CAPN8: variants seen among roughly 807,000 people sequenced by gnomAD.
CAPN8 encodes the protein calpain 8.
In CAPN8, 87 loss-of-function variants were observed where a neutral mutation model predicts 80.9. The observed-to-expected ratio is 1.07, with a 90% confidence interval of 0.90 to 1.28. The LOEUF is 1.28. Ranked by LOEUF, CAPN8 falls within the 50% of genes most tolerant of loss-of-function variation. CAPN8 has a pLI of 0.00. For missense variants in CAPN8, 757 were observed against 702.0 expected, an observed-to-expected ratio of 1.08 and a Z score of -0.89; for synonymous variants, 299 against 273.8, an observed-to-expected ratio of 1.09 and a Z score of -0.91.
intron 20 of CAPN8, 34 bp downstream of exon 20, chr1:223,543,073 TC>T: frequency 6.4e-7 from 1 of 1,550,808 alleles, no homozygotes; most frequent in Non-Finnish European, 8.7e-7. Context: ...CAGAGTACCA[TC>T]AGCCAGCAAT....
chr1:223,656,681 G>GTTTT (rs1216588980), intron 1 of CAPN8, among the ~76,000 whole-genome samples: 1 of 85,036 alleles, frequency 1.2e-5, no homozygotes, highest in African/African-American at 3.9e-5. Flanking sequence ...TTTTTGTTTT[G>GTTTT]TTTTTTTTTT....
At chr1:223,618,156 G>T (rs1047539284) in intron 9 of CAPN8, 9 of 1,428,256 alleles carry the variant, frequency 6.3e-6, no homozygotes, top group Admixed American at 6.0e-5. Flanking sequence ...AGGGAACATG[G>T]GGAGCAGGAG....
intron 2 of CAPN8, among the ~76,000 whole-genome samples, chr1:223,632,248 A>G (rs2102718219): frequency 6.6e-6 from 1 of 152,338 alleles, no homozygotes; most frequent in Admixed American, 6.5e-5. Context: ...TCAAAGGAAT[A>G]TATCCAAATG....
At chr1:223,620,551 T>C (rs1315970395) in intron 7 of CAPN8, among the ~76,000 whole-genome samples, 1 of 152,088 alleles carries the variant, frequency 6.6e-6, no homozygotes, top group African/African-American at 2.4e-5. Flanking sequence ...TAGGGCAAAT[T>C]TGACATTTCT....
At chr1:223,626,007 G>A (rs972141167) in intron 5 of CAPN8, 119 bp from the exon 6 acceptor site, 9 of 721,524 alleles carry the variant, frequency 1.2e-5, no homozygotes, top group African/African-American at 1.1e-4. Context: ...GACTAGGGGT[G>A]TAGGCATGGC....
At chr1:223,652,776 G>A (rs568120597) in intron 2 of CAPN8, among the ~76,000 whole-genome samples, 1 of 152,142 alleles carries the variant, frequency 6.6e-6, no homozygotes, top group African/African-American at 2.4e-5. Flanking sequence ...CCACTGCAGC[G>A]GCTGGGCTCC....
chr1:223,665,630 G>A lies in CAPN8; in HGVS notation c.17C>T (p.Ala6Val), dbSNP rs1658767809. ...GGCTGCCCGCTGCCTAGATACACCA[G>A]CTGCCTGGGCTGCCATGGCCGTGGG... MAAQA[A>V]GVSRQRAATQ... Residue 6 changes from alanine to valine, a missense_variant, in exon 1 of 21, where the codon GCT (alanine) becomes GTT (valine). Ala to Val is a moderately conservative substitution (Grantham distance 64). Coordinates refer to ENST00000366872, the MANE Select transcript of CAPN8 (RefSeq NM_001143962.2). 6.4e-7 allele frequency: 1 copy of A among 1,551,356 alleles called. No individual in the cohort carries two copies. Among genetic ancestry groups the A allele is most frequent in the Non-Finnish European group, 8.7e-7 (1 of 1,146,988 alleles).
rs1656852149 is a variant in CAPN8, at chr1:223,553,829, C to T, written c.1641+3G>A. 2.5e-6 allele frequency: 1 copy of T among 398,730 alleles called. No individual in the cohort carries two copies. The allele number at this position is 398,730 out of a possible 1,614,324, so 24.7% of individuals were successfully genotyped here. A position where few individuals can be genotyped will look rare whatever the true frequency, so the allele number is the denominator to read the frequency against. On this transcript the variant is annotated splice_donor_region_variant and intron_variant, in intron 14 of 20. Coordinates refer to ENST00000366872, the MANE Select transcript of CAPN8 (RefSeq NM_001143962.2). Reference sequence around the variant, plus strand: ...TGGGAAGCCATGTTCGCCCTCCACTCACCTTCCCTGCCAACTTCTCAAACA... The same window carrying T: ...TGGGAAGCCATGTTCGCCCTCCACTTACCTTCCCTGCCAACTTCTCAAACA...
intron 7 of CAPN8, among the ~76,000 whole-genome samples, 191 bp from the exon 8 acceptor site, chr1:223,620,457 G>A (rs960159390): frequency 2.0e-5 from 3 of 152,120 alleles, no homozygotes; most frequent in African/African-American, 7.2e-5. Flanking sequence ...CCCAGGACAC[G>A]GACTCCATGG....
rs1656607480 is a variant in CAPN8, at chr1:223,545,856, C to T, written c.1765-557G>A. On this transcript the variant is annotated intron_variant, in intron 16 of 20. Transcript: ENST00000366872. ...TTTTTTTTTTTTTGAGACGGAGTCT[C>T]TCTGTCGCCCAGGCTGGAGTACAGT... is the stretch of plus-strand genomic sequence containing the variant. Among the ~76,000 whole-genome samples the T allele has an allele frequency of 2.4e-5, 3 of 127,252 alleles. No individual in the cohort carries two copies. In the South Asian group the frequency reaches 7.6e-4, roughly 32 times the overall value. The allele number at this position is 127,252 out of a possible 152,430, so 83.5% of individuals were successfully genotyped here.
intron 2 of CAPN8, among the ~76,000 whole-genome samples, chr1:223,632,515 G>A (rs1045642542): frequency 2.0e-5 from 3 of 152,008 alleles, no homozygotes; most frequent in African/African-American, 7.2e-5. Context: ...TGGGACTACA[G>A]TCATGTGCCA....
rs548045581 is a variant in CAPN8, at chr1:223,634,773, G to C, written c.308-5993C>G. ...CCATTGATGAGGGCTTTGTTCTCAT[G>C]ACCTAATCACCTCCCAAAGGCCCTA... On this transcript the variant is annotated intron_variant, in intron 2 of 20. Coordinates refer to ENST00000366872, the MANE Select transcript of CAPN8 (RefSeq NM_001143962.2). Among the ~76,000 whole-genome samples, 15 of 152,266 alleles carry C rather than the reference G, an allele frequency of 9.9e-5. No homozygotes were observed. The East Asian group carries it at 2.5e-3, about 26-fold the overall frequency.
At position 223,616,138 on chromosome 1, in the gene CAPN8, G is replaced by A; in HGVS notation, c.1143C>T (p.Tyr381=). 1 of 1,546,196 alleles carries A rather than the reference G, an allele frequency of 6.5e-7. No individual in the cohort carries two copies. The highest frequency in any genetic ancestry group is 1.2e-5 in the South Asian group (1 of 83,822). The change falls in exon 10 of 21, where the codon TAC becomes TAT. Residue 381 remains tyrosine (Y), a synonymous_variant. Transcript: ENST00000366872. ...GGATTTTGAACTGGGGATTGGTCCA[G>A]TACGTGGCTGGAAGTCACCCAGGTG... ...AGGCQNYPAT[Y]WTNPQFKIRL...
chr1:223,541,991 T>C (rs746423877), intron 20 of CAPN8, 132 bp from the exon 21 acceptor site: 33 of 1,423,920 alleles, frequency 2.3e-5, no homozygotes, highest in Non-Finnish European at 2.8e-5. Flanking sequence ...TGCTCAAACA[T>C]GGGAAGCAAG....
intron 1 of CAPN8, among the ~76,000 whole-genome samples, chr1:223,664,965 A>G (rs1429048551): frequency 6.6e-6 from 1 of 151,670 alleles, no homozygotes; most frequent in Non-Finnish European, 1.5e-5. Context: ...TCAAAAGGTG[A>G]TGGGGGGGCC....
chr1:223,641,003 C>A (rs1323204123), intron 2 of CAPN8, among the ~76,000 whole-genome samples: 4 of 152,050 alleles, frequency 2.6e-5, no homozygotes, highest in Admixed American at 2.6e-4. Context: ...AGAGCTAAAG[C>A]ATTTGCAGCT....
intron 2 of CAPN8, among the ~76,000 whole-genome samples, chr1:223,633,615 T>C (rs568287225): frequency 7.9e-5 from 12 of 151,790 alleles, no homozygotes; most frequent in Non-Finnish European, 1.8e-4. Flanking sequence ...TGAGCCAAGA[T>C]CACACCACTG....
chr1:223,542,580 C>T lies in CAPN8; in HGVS notation c.2088+528G>A, dbSNP rs905221323. On this transcript the variant is annotated intron_variant, in intron 20 of 20. Transcript: ENST00000366872. ...CTCCCCCTGCCTGGACCCTTGGAGA[C>T]ATCTCCACACTTCCTGCTGTCCCCT... Among the ~76,000 whole-genome samples, 3 of 152,328 alleles carry T rather than the reference C, an allele frequency of 2.0e-5. No homozygotes were observed. In the East Asian group the frequency reaches 5.8e-4, roughly 29 times the overall value.
At chr1:223,624,405 T>C (rs1657503605) in intron 6 of CAPN8, among the ~76,000 whole-genome samples, 1 of 152,190 alleles carries the variant, frequency 6.6e-6, no homozygotes, top group Non-Finnish European at 1.5e-5. Context: ...ATGTCTGTTC[T>C]TTTAATGGTA....
Sources: gnomAD v4.1 joint callset for allele counts (sites outside exome capture counted in the v4.1 genomes callset) on GRCh38, gnomAD v4.1.1 for gene constraint, MANE v1.5 for transcripts, NCBI Gene and HGNC (gene_info 2026-07-23, HGNC 2026-07-21) for gene names.